FHIP1B: variants seen among roughly 807,000 people sequenced by gnomAD.
FHIP1B encodes FHF complex subunit HOOK-interacting protein 1B.
In FHIP1B, 28 loss-of-function variants were observed where a neutral mutation model predicts 82.2. The ratio of observed to expected loss-of-function variants is 0.34; its 90% CI spans 0.25 to 0.47. The LOEUF is 0.47. FHIP1B is among the 20% of genes least tolerant of loss of function. The pLI is 1.00. For missense variants in FHIP1B, 1,110 were observed against 1,262.6 expected, an observed-to-expected ratio of 0.88 and a Z score of 1.83; for synonymous variants, 585 against 516.1, an observed-to-expected ratio of 1.13 and a Z score of -1.81.
At chr11:6,215,498 A>C (rs1847200463) in intron 9 of FHIP1B, 1 of 152,282 alleles carries the variant, frequency 6.6e-6, no homozygotes, top group African/African-American at 2.4e-5. Flanking sequence ...GCTCAGAAAG[A>C]AAGCTAGAAG....
intron 9 of FHIP1B, among the ~76,000 whole-genome samples, chr11:6,215,518 C>T (rs553679469): frequency 6.6e-6 from 1 of 152,068 alleles, no homozygotes; most frequent in Non-Finnish European, 1.5e-5. Flanking sequence ...GATGGTGTTG[C>T]AAAGACAAAG....
rs59413930 is a variant in FHIP1B, at chr11:6,229,976, C to CAA, written c.-192+4566_-192+4567dup. On this transcript the variant is annotated intron_variant, in intron 1 of 11. Transcript: ENST00000449352. ...TGTCCTTTCCTCCCATAGCAAAGTC[C>CAA]AAAAAAAAAAAAAAAAAGCAGAACC... Among the ~76,000 whole-genome samples the CAA allele has an allele frequency of 5.3e-4, 49 of 92,064 alleles. 1 individual carries two copies. The highest frequency in any genetic ancestry group is 1.6e-3 in the African/African-American group (41 of 25,926). The allele number at this position is 92,064 out of a possible 152,430, so 60.4% of individuals were successfully genotyped here. A position where few individuals can be genotyped will look rare whatever the true frequency, so the allele number is the denominator to read the frequency against.
Position 6,214,782 on chromosome 11 carries a change from A to C in FHIP1B, c.2345T>G (p.Leu782Arg), listed in dbSNP as rs1291570804. 6.2e-7 allele frequency: 1 copy of C among 1,606,916 alleles called. No individual in the cohort carries two copies. The highest frequency in any genetic ancestry group is 1.7e-5 in the Admixed American group (1 of 58,632). The change falls in exon 10 of 12, where the codon CTG (leucine) becomes CGG (arginine). Residue 782 changes from leucine to arginine, a missense_variant. Leu to Arg is a moderately radical substitution (Grantham distance 102). Transcript: ENST00000449352. ...CTGGAAGACCATGTTGGTGTTGAGC[A>C]GGAAAGAGCGGAGCAGGGGCTGGGG... ...CHPQPLLRSF[L>R]LNTNMVFQPS...
Position 6,214,855 on chromosome 11 carries a change from A to T in FHIP1B, c.2272T>A (p.Tyr758Asn). 6.2e-7 allele frequency: 1 copy of T among 1,611,872 alleles called. No homozygotes were observed. Among genetic ancestry groups the T allele is most frequent in the East Asian group, 2.2e-5 (1 of 44,830 alleles). The part of the protein sequence containing the change: ...KLENMLQNSV[Y>N]VNFLLTGLVA... ...AGCCCCGTCAGCAGGAAGTTGACAT[A>T]GACGGAGTTCTGCAGCATGTTCTCG... Residue 758 changes from tyrosine to asparagine, a missense_variant, in exon 10 of 12, where the codon TAT becomes AAT. Around this residue, in one of 6 missense-constraint regions of FHIP1B, gnomAD observed 39 missense variants for 79.6 expected, o/e 0.49. Coordinates refer to ENST00000449352, the MANE Select transcript of FHIP1B (RefSeq NM_001098794.2).
Position 6,221,167 on chromosome 11 carries a change from G to A in FHIP1B, c.1191+1275C>T, listed in dbSNP as rs76034066. 8.1e-3 allele frequency among the ~76,000 whole-genome samples: 1,228 copies of A among 152,050 alleles called. 6 individuals are homozygous for A. The highest frequency in any genetic ancestry group is 0.027 in the Middle Eastern group (8 of 294). On this transcript the variant is annotated intron_variant, in intron 6 of 11. Coordinates refer to ENST00000449352, the MANE Select transcript of FHIP1B (RefSeq NM_001098794.2). Reference sequence around the variant, plus strand: ...AACACTGGTTTAATCAGTCAGTCTGGAATATTTCTTATACACCCTAACTTA... The same window carrying A: ...AACACTGGTTTAATCAGTCAGTCTGAAATATTTCTTATACACCCTAACTTA...
rs755286408 is a variant in FHIP1B, at chr11:6,219,118, C to A, written c.1192-68G>T. 2.3e-6 allele frequency: 3 copies of A among 1,331,222 alleles called. No homozygotes were observed. In the African/African-American group the frequency reaches 4.3e-5, roughly 19 times the overall value. The allele number at this position is 1,331,222 out of a possible 1,614,324, so 82.5% of individuals were successfully genotyped here. A position where few individuals can be genotyped will look rare whatever the true frequency, so the allele number is the denominator to read the frequency against. The stretch of plus-strand genomic sequence containing the variant: ...TCTGCCCTCCAAGCCATTCACCAAA[C>A]GGGAACCCCACCAGCCCCAAGTTGG... On this transcript the variant is annotated intron_variant, in intron 6 of 11. Transcript: ENST00000449352.
At chr11:6,229,355 A>C (rs1284319908) in intron 1 of FHIP1B, among the ~76,000 whole-genome samples, 1 of 152,206 alleles carries the variant, frequency 6.6e-6, no homozygotes. Flanking sequence ...ATAACAACCT[A>C]TGTAGCATTC....
At chr11:6,232,697 T>C (rs887970412) in intron 1 of FHIP1B, among the ~76,000 whole-genome samples, 2 of 152,248 alleles carry the variant, frequency 1.3e-5, no homozygotes, top group African/African-American at 2.4e-5. Context: ...GTTCAGATGT[T>C]AAGTTATACA....
In FHIP1B at chr11:6,223,591, C is replaced by A; in HGVS notation, c.777+19G>T. 6.4e-7 allele frequency: 1 copy of A among 1,561,092 alleles called. No homozygotes were observed. Among genetic ancestry groups the A allele is most frequent in the East Asian group, 2.2e-5 (1 of 44,488 alleles). On this transcript the variant is annotated intron_variant, in intron 3 of 11. Transcript: ENST00000449352. The surrounding 1 kb of genome is among the most constrained non-coding windows in gnomAD (Gnocchi z 4.8). The stretch of plus-strand genomic sequence containing the variant: ...TATCTACACACCACACCCTACCCTC[C>A]AAGCCAGGGGGTGCTAACCGGGCAG...
chr11:6,224,874 G>A lies in FHIP1B; in HGVS notation c.-191-167C>T, dbSNP rs147555052. Among the ~76,000 whole-genome samples, 357 of 152,204 alleles carry A rather than the reference G, an allele frequency of 2.3e-3. 1 individual carries two copies. The highest frequency in any genetic ancestry group is 3.4e-3 in the Middle Eastern group (1 of 294). On this transcript the variant is annotated intron_variant, in intron 1 of 11. Transcript: ENST00000449352. ...AACTCAGATTTCTACCACCAAACCT[G>A]TTACTCCTTCAACTTTCTCCATCTC...
chr11:6,218,102 C>CG lies in FHIP1B; in HGVS notation c.1483dup (p.Arg495ProfsTer21). On this transcript the variant is annotated frameshift_variant, in exon 9 of 12. Transcript: ENST00000449352. LOFTEE classifies it high-confidence loss of function. ...AGCCAGACGAGATGGTGTGGAGGGC[C>CG]GGGGTACTGTCGTCACAGAAGAGGA... 6.2e-7 allele frequency: 1 copy of CG among 1,613,392 alleles called. No individual in the cohort carries two copies. Among genetic ancestry groups the CG allele is most frequent in the Non-Finnish European group, 8.5e-7 (1 of 1,179,682 alleles).
intron 1 of FHIP1B, among the ~76,000 whole-genome samples, chr11:6,225,993 G>C (rs1358963659): frequency 6.6e-6 from 1 of 152,030 alleles, no homozygotes; most frequent in Admixed American, 6.5e-5. Context: ...AGGAACCATA[G>C]TTCCTTCTCC....
chr11:6,222,338 C>T, intron 6 of FHIP1B, 104 bp downstream of exon 6: 1 of 1,295,182 alleles, frequency 7.7e-7, no homozygotes, highest in Admixed American at 1.9e-5. Flanking sequence ...GAGGTGACTG[C>T]TGGAGATACA....
intron 1 of FHIP1B, among the ~76,000 whole-genome samples, chr11:6,226,672 A>G (rs1219466985): frequency 6.6e-6 from 1 of 152,254 alleles, no homozygotes; most frequent in Non-Finnish European, 1.5e-5. Flanking sequence ...AGTGTGCCTT[A>G]ATCACAGACT....
At chr11:6,219,191 C>A (rs1412147004) in intron 6 of FHIP1B, 141 bp from the exon 7 acceptor site, 3 of 632,272 alleles carry the variant, frequency 4.7e-6, no homozygotes, top group Admixed American at 2.8e-5. Context: ...ATGTACCATG[C>A]CTGGCACATA....
chr11:6,212,506 A>C (rs186043345), intron 11 of FHIP1B, among the ~76,000 whole-genome samples: 19 of 152,034 alleles, frequency 1.2e-4, no homozygotes, highest in Admixed American at 3.9e-4. Context: ...TCACCACTTC[A>C]CCATTCACCA....
chr11:6,223,080 C>A lies in FHIP1B; in HGVS notation c.936G>T (p.Gln312His). The A allele has an allele frequency of 1.3e-6, 2 of 1,578,064 alleles. No individual in the cohort carries two copies. The highest frequency in any genetic ancestry group is 1.7e-6 in the Non-Finnish European group (2 of 1,164,032). Reference sequence around the variant, plus strand: ...CCAAGGGCCAGACTTTCAGTCCTACCTGAATTACTGCATTGCAGAACTCCA... The same window carrying A: ...CCAAGGGCCAGACTTTCAGTCCTACATGAATTACTGCATTGCAGAACTCCA... ...SSLEFCNAVI[Q>H]VAHPLVQKQL... Residue 312 changes from glutamine to histidine, a missense_variant and splice_region_variant, in exon 4 of 12, where the codon CAG becomes CAT. Physicochemically the swap from Gln to His is conservative, Grantham distance 24 (BLOSUM62 0). Transcript: ENST00000449352. The surrounding 1 kb of genome is among the most constrained non-coding windows in gnomAD (Gnocchi z 4.8).
Position 6,218,646 on chromosome 11 carries a change from G to A in FHIP1B, c.1389C>T (p.His463=), listed in dbSNP as rs367742077. The A allele has an allele frequency of 1.5e-5, 24 of 1,614,044 alleles. No homozygotes were observed. The highest frequency in any genetic ancestry group is 1.9e-5 in the Non-Finnish European group (23 of 1,180,036). The change falls in exon 8 of 12, where the codon CAC becomes CAT. Residue 463 remains histidine, a synonymous_variant. Coordinates refer to ENST00000449352, the MANE Select transcript of FHIP1B (RefSeq NM_001098794.2). ...CTGGACGAGGTGGGCTGGGGGCGTG[G>A]TGCCGACAACAGCGTGGGATTAGGG... ...FLSLIPRCCR[H]HAPSPPRPEH...
Position 6,217,724 on chromosome 11 carries a change from C to T in FHIP1B, c.1862G>A (p.Gly621Glu). The change falls in exon 9 of 12, where the codon GGG (glycine) becomes GAG (glutamate). Residue 621 changes from glycine to glutamate, a missense_variant. This residue lies in a region of FHIP1B where 418 missense variants were observed against 371.4 expected (regional missense o/e 1.13). Transcript: ENST00000449352. The part of the protein sequence containing the change: ...EEELGRRGRA[G>E]GAGEGPGHLP... The stretch of plus-strand genomic sequence containing the variant: ...GTGACCAGGGCCCTCCCCTGCACCC[C>T]CAGCCCGCCCCCTCCTCCCCAGCTC... 6.2e-7 allele frequency: 1 copy of T among 1,605,658 alleles called. No individual in the cohort carries two copies. The highest frequency in any genetic ancestry group is 2.2e-5 in the East Asian group (1 of 44,576).
Sources: allele counts gnomAD v4.1 joint callset (sites outside exome capture counted in the v4.1 genomes callset), GRCh38; gene constraint gnomAD v4.1.1; regional missense constraint gnomAD v4.1.1; non-coding constraint Gnocchi (gnomAD v3.1); transcripts MANE v1.5; gene names NCBI Gene and HGNC (gene_info 2026-07-23, HGNC 2026-07-21).